Variants in TASP1 observed in about 807,000 individuals in gnomAD.
TASP1 encodes the protein threonine aspartase 1.
A neutral mutation model predicts 56.6 loss-of-function variants in TASP1; 16 were observed. The observed-to-expected ratio is 0.28, with a 90% CI of 0.19 to 0.43. The LOEUF is 0.43. Ranked by LOEUF, TASP1 falls within the 20% of genes least tolerant of loss-of-function variation. TASP1 has a pLI of 1.00. For synonymous variants in TASP1, 179 were observed against 184.2 expected (o/e 0.97, Z 0.23); for missense variants, 393 against 511.6 (o/e 0.77, Z 2.24).
the TASP1 span, among the ~76,000 whole-genome samples, chr20:13,291,945 A>G: frequency 9.5e-4 from 145 of 152,342 alleles, 1 homozygote; most frequent in African/African-American, 3.3e-3. Flanking sequence ...ACTGAGGCAC[A>G]CAAAAGTTCA....
intron 12 of TASP1, among the ~76,000 whole-genome samples, chr20:13,433,519 G>GAAAAAAAA (rs2042885498): frequency 1.5e-5 from 1 of 65,896 alleles, no homozygotes; most frequent in African/African-American, 7.6e-5. Flanking sequence ...AGACAGTATG[G>GAAAAAAAA]CAAAAAAAAA....
chr20:13,140,538 A>G, the TASP1 span, among the ~76,000 whole-genome samples: 6 of 152,196 alleles, frequency 3.9e-5, no homozygotes, highest in African/African-American at 1.4e-4. Context: ...GATTAACATC[A>G]CTTGCATTTT....
intron 8 of TASP1, among the ~76,000 whole-genome samples, chr20:13,542,283 G>GTATCTCT (rs2045653072): frequency 6.6e-6 from 1 of 152,080 alleles, no homozygotes; most frequent in Non-Finnish European, 1.5e-5. Flanking sequence ...CATTAATAGA[G>GTATCTCT]ATACAGGGCT....
the TASP1 span, chr20:13,245,108 C>T: frequency 1.3e-5 from 2 of 152,212 alleles, no homozygotes; most frequent in African/African-American, 4.8e-5. Flanking sequence ...TAAATATCTT[C>T]CTTCCTTCTT....
the TASP1 span, among the ~76,000 whole-genome samples, chr20:13,374,384 T>G: frequency 2.6e-5 from 4 of 151,692 alleles, no homozygotes; most frequent in African/African-American, 9.7e-5. Context: ...GTCTTGCTCT[T>G]TCGCCCAGGC....
the TASP1 span, chr20:13,166,171 C>T: frequency 6.6e-6 from 1 of 152,634 alleles, no homozygotes; most frequent in Non-Finnish European, 1.5e-5. Flanking sequence ...GCAGAACATT[C>T]CACTCCATCA....
At chr20:13,607,294 C>T (rs2048193233) in intron 4 of TASP1, among the ~76,000 whole-genome samples, 1 of 152,184 alleles carries the variant, frequency 6.6e-6, no homozygotes, top group African/African-American at 2.4e-5. Flanking sequence ...AAACCCTTTC[C>T]TATTAATGAA....
chr20:13,620,297 C>CACACACACACACAT (rs750176075), intron 4 of TASP1, among the ~76,000 whole-genome samples: 1 of 151,722 alleles, frequency 6.6e-6, no homozygotes, highest in African/African-American at 2.4e-5. Context: ...CACACACACA[C>CACACACACACACAT]ACATACATAT....
At chr20:13,418,270 C>T (rs922851052) in intron 12 of TASP1, among the ~76,000 whole-genome samples, 2 of 152,154 alleles carry the variant, frequency 1.3e-5, no homozygotes, top group African/African-American at 2.4e-5. Flanking sequence ...GAGAAATGTC[C>T]ATTCCAGAGC....
the TASP1 span, among the ~76,000 whole-genome samples, chr20:13,120,159 T>C: frequency 1.3e-5 from 2 of 152,216 alleles, no homozygotes; most frequent in Non-Finnish European, 2.9e-5. Flanking sequence ...AAAAACTACT[T>C]CTACTAGTAT....
intron 10 of TASP1, among the ~76,000 whole-genome samples, chr20:13,512,862 C>T (rs964818472): frequency 6.6e-6 from 1 of 152,166 alleles, no homozygotes; most frequent in Admixed American, 6.5e-5. Context: ...ATAGGGAATC[C>T]TTTCCCCATT....
chr20:13,479,273 T>TA (rs2043049788), intron 11 of TASP1, among the ~76,000 whole-genome samples: 1 of 152,068 alleles, frequency 6.6e-6, no homozygotes, highest in South Asian at 2.1e-4. Context: ...AATATTTTTT[T>TA]AAAAAGAAAA....
the TASP1 span, among the ~76,000 whole-genome samples, chr20:13,382,923 C>T: frequency 6.6e-6 from 1 of 152,072 alleles, no homozygotes; most frequent in Non-Finnish European, 1.5e-5. Flanking sequence ...GGAGCTTGCT[C>T]AGGGACGACC....
At chr20:13,171,372 AT>A in the TASP1 span, among the ~76,000 whole-genome samples, 1 of 152,176 alleles carries the variant, frequency 6.6e-6, no homozygotes, top group African/African-American at 2.4e-5. Flanking sequence ...CCTCTAAAAT[AT>A]TTTCAACAAA....
chr20:13,345,064 G>T, the TASP1 span, among the ~76,000 whole-genome samples: 63 of 152,024 alleles, frequency 4.1e-4, no homozygotes, highest in Admixed American at 2.2e-3. Flanking sequence ...TAGGCTGGAT[G>T]CCTAGAAACA....
chr20:13,421,599 A>T (rs1232171740), intron 12 of TASP1, among the ~76,000 whole-genome samples: 1 of 152,198 alleles, frequency 6.6e-6, no homozygotes, highest in Admixed American at 6.6e-5. Flanking sequence ...GATAATTTAC[A>T]TTACTCATAC....
intron 10 of TASP1, among the ~76,000 whole-genome samples, chr20:13,502,688 C>T (rs73899330): frequency 4.2e-5 from 6 of 141,776 alleles, no homozygotes; most frequent in African/African-American, 1.8e-4. Flanking sequence ...GTAGGAGAGG[C>T]TGCAACAGTG....
the TASP1 span, among the ~76,000 whole-genome samples, chr20:13,341,943 T>A: frequency 6.6e-6 from 1 of 152,064 alleles, no homozygotes; most frequent in Non-Finnish European, 1.5e-5. Context: ...TGGTTCACTT[T>A]GTGGTCACAA....
chr20:13,417,822 C>T (rs6033699), intron 12 of TASP1, among the ~76,000 whole-genome samples: 9,660 of 152,006 alleles, frequency 0.064, 454 homozygotes, highest in African/African-American at 0.13. Context: ...ACATACGGTA[C>T]ACAGTGATTT....
Sources: allele counts gnomAD v4.1 joint callset (sites outside exome capture counted in the v4.1 genomes callset), GRCh38; gene constraint gnomAD v4.1.1; transcripts MANE v1.5; gene names NCBI Gene and HGNC (gene_info 2026-07-23, HGNC 2026-07-21).